Variants in PCYT2 observed in about 807,000 individuals in gnomAD.
The protein encoded by PCYT2 is ethanolamine-phosphate cytidylyltransferase.
In PCYT2, 33 loss-of-function variants were observed where a neutral mutation model predicts 50.0. The observed-to-expected ratio is 0.66, with a 90% CI of 0.50 to 0.88. PCYT2 has a LOEUF of 0.88. Ranked by LOEUF, PCYT2 falls within the 40% of genes least tolerant of loss-of-function variation. PCYT2 has a pLI of 0.00. For synonymous variants in PCYT2, 240 were observed against 203.7 expected (o/e 1.18, Z -1.52); for missense variants, 430 against 519.7 (o/e 0.83, Z 1.68).
chr17:81,904,532 G>A lies in PCYT2; in HGVS notation c.*301C>T, dbSNP rs1320627990. The stretch of plus-strand genomic sequence containing the variant: ...GTGTGGCCTCTGTCCAGGTGGTGGG[G>A]GCATCCGGGGACCAGGTGGGGGCGC... On this transcript the variant is annotated 3_prime_UTR_variant, in exon 13 of 13. Transcript: ENST00000538936. The A allele has an allele frequency of 1.6e-5, 6 of 382,968 alleles. No homozygotes were observed. In the East Asian group the frequency reaches 2.4e-4, roughly 15 times the overall value. 23.7% of individuals were successfully genotyped at this position (382,968 alleles called of 1,614,324 possible).
intron 8 of PCYT2, 108 bp from the exon 9 acceptor site, chr17:81,906,285 G>T: frequency 8.6e-7 from 1 of 1,164,336 alleles, no homozygotes; most frequent in Non-Finnish European, 1.2e-6. Context: ...GCTCGCCCTT[G>T]TGGGGATGCC....
In PCYT2 at chr17:81,904,816, C is replaced by T. The variant is rs549185631; in HGVS notation, c.*17G>A. The stretch of plus-strand genomic sequence containing the variant: ...AGAAGCAGAGCAGGGGGAGGGCCGG[C>T]CAGGGCCTCTGCCAGGTTAGAAGTC... On this transcript the variant is annotated 3_prime_UTR_variant, in exon 13 of 13. Transcript: ENST00000538936. 11 of 1,553,286 alleles carry T rather than the reference C, an allele frequency of 7.1e-6. No individual in the cohort carries two copies. Among genetic ancestry groups the T allele is most frequent in the Middle Eastern group, 1.7e-4 (1 of 5,934 alleles).
rs1007486033 is a variant in PCYT2 at position 81,902,711 on chromosome 17, T to C, written c.*2122A>G. On this transcript the variant is annotated 3_prime_UTR_variant, in exon 13 of 13. Coordinates refer to ENST00000538936, the MANE Select transcript of PCYT2 (RefSeq NM_002861.5). ...ACCTACCAGTGCAAGGCGAACGTCT[T>C]CCTGTCCCTGCGCGCAGCCGACTGC... 3 of 1,608,808 alleles carry C rather than the reference T, an allele frequency of 1.9e-6. No homozygotes were observed. The highest frequency in any genetic ancestry group is 2.5e-6 in the Non-Finnish European group (3 of 1,178,738).
At chr17:81,908,738 C>G in intron 3 of PCYT2, 104 bp from the exon 4 acceptor site, 1 of 1,320,794 alleles carries the variant, frequency 7.6e-7, no homozygotes, top group Non-Finnish European at 1.1e-6. Context: ...GTCCGCGTGC[C>G]CATTTCTAGG....
In PCYT2 at chr17:81,902,162, G is replaced by C; in HGVS notation, c.*2671C>G. 2.4e-4 allele frequency: 174 copies of C among 738,212 alleles called. No homozygotes were observed. The highest frequency in any genetic ancestry group is 2.9e-4 in the Non-Finnish European group (159 of 553,230). 45.7% of individuals were successfully genotyped at this position (738,212 alleles called of 1,614,324 possible). On this transcript the variant is annotated 3_prime_UTR_variant, in exon 13 of 13. Transcript: ENST00000538936. ...GCGCCCGCTGCACCCCAGCCCGCCCGCCGCCCCTCCCGGCCCTCCGCAGCC... is the reference window on the plus strand; with the variant it reads ...GCGCCCGCTGCACCCCAGCCCGCCCCCCGCCCCTCCCGGCCCTCCGCAGCC...
In PCYT2 at chr17:81,903,400, G is replaced by A. The variant is rs1157209502; in HGVS notation, c.*1433C>T. On this transcript the variant is annotated 3_prime_UTR_variant, in exon 13 of 13. Transcript: ENST00000538936. Reference sequence around the variant, plus strand: ...TGACTCCGGAACTGGCTTGGGCTCTGGCCTCCAATGCTGCTACGGGGCCAG... The same window carrying A: ...TGACTCCGGAACTGGCTTGGGCTCTAGCCTCCAATGCTGCTACGGGGCCAG... 2.0e-5 allele frequency: 3 copies of A among 152,364 alleles called. No individual in the cohort carries two copies. The highest frequency in any genetic ancestry group is 4.4e-5 in the Non-Finnish European group (3 of 68,144). The allele number at this position is 152,364 out of a possible 1,614,324, so 9.4% of individuals were successfully genotyped here. A position where few individuals can be genotyped will look rare whatever the true frequency, so the allele number is the denominator to read the frequency against.
At chr17:81,909,685 C>T in intron 1 of PCYT2, 83 bp from the exon 2 acceptor site, 1 of 1,036,292 alleles carries the variant, frequency 9.6e-7, no homozygotes, top group Non-Finnish European at 1.5e-6. Flanking sequence ...GAGCTTTGCT[C>T]CTCTGAGGAC....
intron 6 of PCYT2, 135 bp from the exon 7 acceptor site, chr17:81,907,033 C>G (rs1291596287): frequency 2.4e-5 from 28 of 1,169,700 alleles, no homozygotes; most frequent in Non-Finnish European, 3.2e-5. Context: ...GGACACACTG[C>G]CAGGCCAGGT....
chr17:81,907,098 C>T, intron 6 of PCYT2, 200 bp from the exon 7 acceptor site: 1 of 1,115,854 alleles, frequency 9.0e-7, no homozygotes. Context: ...GCAGCAGACA[C>T]CACTTCAGCC....
Position 81,905,049 on chromosome 17 carries a change from C to T in PCYT2, c.1058+17G>A, listed in dbSNP as rs1276899634. On this transcript the variant is annotated intron_variant, in intron 12 of 12. Transcript: ENST00000538936. ...GCGCCCATGAGGCGGCTCCGAGGTGCCCCCACCCAACTGCACCTGTTGGTG... is the reference window on the plus strand; with the variant it reads ...GCGCCCATGAGGCGGCTCCGAGGTGTCCCCACCCAACTGCACCTGTTGGTG... The T allele has an allele frequency of 1.9e-6, 3 of 1,602,338 alleles. No homozygotes were observed. The highest frequency in any genetic ancestry group is 2.6e-6 in the Non-Finnish European group (3 of 1,171,618).
In PCYT2 at chr17:81,904,853, C is replaced by A. The variant is rs1482664225; in HGVS notation, c.1150G>T (p.Glu384Ter). The A allele has an allele frequency of 3.7e-6, 6 of 1,610,792 alleles. No homozygotes were observed. In the Admixed American group the frequency reaches 5.0e-5, roughly 13 times the overall value. ...ARQQAAQPLG[E>*]RDGDF ...CCAGGTTAGAAGTCACCATCGCGCT[C>A]CCCCAGGGGCTGTGCCGCCTGCTGC... The change falls in exon 13 of 13, where the codon GAG becomes TAG. Residue 384 changes from glutamate to a stop codon, truncating the protein, a stop_gained. Coordinates refer to ENST00000538936, the MANE Select transcript of PCYT2 (RefSeq NM_002861.5). LOFTEE classifies it high-confidence loss of function.
At chr17:81,910,223 C>T (rs1366878179) in intron 1 of PCYT2, among the ~76,000 whole-genome samples, 2 of 152,260 alleles carry the variant, frequency 1.3e-5, no homozygotes, top group Non-Finnish European at 2.9e-5. Flanking sequence ...CACGTGAACT[C>T]TCAAGCCCAA....
chr17:81,905,511 C>T (rs2040212080), intron 10 of PCYT2, 64 bp from the exon 11 acceptor site: 1 of 1,494,352 alleles, frequency 6.7e-7, no homozygotes, highest in East Asian at 2.4e-5. Context: ...ACCCACAGCC[C>T]AGCACAGGCC....
At chr17:81,905,980 G>T in intron 9 of PCYT2, 120 bp downstream of exon 9, 2 of 886,862 alleles carry the variant, frequency 2.3e-6, no homozygotes, top group Non-Finnish European at 3.5e-6. Flanking sequence ...AACTCGGGGT[G>T]CTGGGTGCAG....
At chr17:81,905,644 C>G in intron 10 of PCYT2, 26 bp downstream of exon 10, 2 of 1,606,668 alleles carry the variant, frequency 1.2e-6, no homozygotes, top group Non-Finnish European at 1.7e-6. Flanking sequence ...ACAGAGGGAA[C>G]GAGGTGAGCC....
chr17:81,910,792 TCTGA>T, intron 1 of PCYT2: 2 of 697,438 alleles, frequency 2.9e-6, no homozygotes, highest in Non-Finnish European at 3.5e-6. Context: ...AACAATGCCC[TCTGA>T]CTGGCCAGGG....
In PCYT2 at chr17:81,902,392, C is replaced by T. The variant is rs1048468877; in HGVS notation, c.*2441G>A. 4.5e-6 allele frequency: 6 copies of T among 1,342,480 alleles called. No individual in the cohort carries two copies. In the African/African-American group the frequency reaches 6.2e-5, roughly 14 times the overall value. The allele number at this position is 1,342,480 out of a possible 1,614,324, so 83.2% of individuals were successfully genotyped here. On this transcript the variant is annotated 3_prime_UTR_variant, in exon 13 of 13. Transcript: ENST00000538936. ...GGGGCACAGCTCCTACTCGGTGGGC[C>T]GCGCCGCGGGGCTGCTGTCCGGCCT...
rs1309565131 is a variant in PCYT2 at position 81,904,724 on chromosome 17, C to T, written c.*109G>A. ...GCAAGGAGGCAGAGTCCTCACCAGC[C>T]CTTCCAGAGCCAGGCCAGTTAGAGA... On this transcript the variant is annotated 3_prime_UTR_variant, in exon 13 of 13. Transcript: ENST00000538936. 10 of 706,130 alleles carry T rather than the reference C, an allele frequency of 1.4e-5. No individual in the cohort carries two copies. The highest frequency in any genetic ancestry group is 1.8e-5 in the African/African-American group (1 of 56,120). 43.7% of individuals were successfully genotyped at this position (706,130 alleles called of 1,614,324 possible). A position where few individuals can be genotyped will look rare whatever the true frequency, so the allele number is the denominator to read the frequency against.
rs975738393 is a variant in PCYT2 at position 81,902,140 on chromosome 17, C to A, written c.*2693G>T. The A allele has an allele frequency of 8.6e-6, 7 of 810,618 alleles. No homozygotes were observed. The highest frequency in any genetic ancestry group is 1.8e-5 in the African/African-American group (1 of 55,118). The allele number at this position is 810,618 out of a possible 1,614,324, so 50.2% of individuals were successfully genotyped here. On this transcript the variant is annotated 3_prime_UTR_variant, in exon 13 of 13. Transcript: ENST00000538936. ...AGGTGCGACGGCTCCTCCGCGCGCG[C>A]CCGCTGCACCCCAGCCCGCCCGCCG...
Sources: gnomAD v4.1 joint callset for allele counts (sites outside exome capture counted in the v4.1 genomes callset) on GRCh38, gnomAD v4.1.1 for gene constraint, MANE v1.5 for transcripts, NCBI Gene and HGNC (gene_info 2026-07-23, HGNC 2026-07-21) for gene names.